Variants in AK5 observed in about 807,000 individuals in gnomAD.
AK5 encodes the protein adenylate kinase 5, also known as adenylate kinase isoenzyme 5.
Under a neutral mutation model 69.5 loss-of-function variants are expected in AK5, and 27 were observed. That is an observed-to-expected ratio of 0.39 (90% CI 0.29 to 0.54). The LOEUF (loss-of-function observed/expected upper bound fraction) is 0.54, where lower values mean the gene tolerates loss of function less well. AK5 is among the 20% of genes least tolerant of loss of function. The pLI is 0.71. For missense variants in AK5, 531 were observed against 700.4 expected, an observed-to-expected ratio of 0.76 and a Z score of 2.73; for synonymous variants, 260 against 244.4, an observed-to-expected ratio of 1.06 and a Z score of -0.60.
chr1:77,403,969 T>C (rs1352406424), intron 6 of AK5, among the ~76,000 whole-genome samples: 1 of 152,174 alleles, frequency 6.6e-6, no homozygotes, highest in Non-Finnish European at 1.5e-5. Context: ...CCTCTTTTAT[T>C]TCGTTGAGCA....
In AK5 at chr1:77,297,850, A is replaced by C. The variant is rs750269359; in HGVS notation, c.602A>C (p.Glu201Ala). ...ELAPQETTIT[E>A]IKQKLMQIPD... ...TTATAAAAGGAAACAACAATTACAG[A>C]GATAAAACAAAAATTGATGCAAATA... The change falls in exon 5 of 14, where the codon GAG becomes GCG. Residue 201 changes from glutamate to alanine, a missense_variant. Transcript: ENST00000354567. 2 of 1,611,314 alleles carry C rather than the reference A, an allele frequency of 1.2e-6. No homozygotes were observed. The highest frequency in any genetic ancestry group is 2.2e-5 in the South Asian group (2 of 89,900).
intron 6 of AK5, among the ~76,000 whole-genome samples, chr1:77,392,156 T>A (rs1177854442): frequency 6.6e-6 from 1 of 152,206 alleles, no homozygotes; most frequent in Non-Finnish European, 1.5e-5. Flanking sequence ...ACAATCTAAA[T>A]TGATTATGTT....
chr1:77,454,948 T>G (rs888697516), intron 8 of AK5, among the ~76,000 whole-genome samples: 6 of 152,226 alleles, frequency 3.9e-5, no homozygotes, highest in African/African-American at 1.4e-4. Flanking sequence ...TGCCTTTCCT[T>G]TTTTGCTCTA....
At chr1:77,286,212 G>A (rs1300684184) in intron 1 of AK5, among the ~76,000 whole-genome samples, 2 of 151,836 alleles carry the variant, frequency 1.3e-5, no homozygotes, top group Non-Finnish European at 1.5e-5. Context: ...AAAACTCTAT[G>A]AGGTATTTAT....
intron 10 of AK5, among the ~76,000 whole-genome samples, chr1:77,501,119 G>C (rs1259552831): frequency 6.6e-6 from 1 of 152,196 alleles, no homozygotes; most frequent in African/African-American, 2.4e-5. Flanking sequence ...TTTGAGAGAG[G>C]GCTGAGGAGA....
chr1:77,461,116 C>A (rs1653809003), intron 8 of AK5, among the ~76,000 whole-genome samples: 1 of 150,150 alleles, frequency 6.7e-6, no homozygotes, highest in African/African-American at 2.5e-5. Flanking sequence ...TCACTGCAAG[C>A]TCTGCCTCCT....
At chr1:77,461,305 T>A (rs980553320) in intron 8 of AK5, among the ~76,000 whole-genome samples, 2 of 150,620 alleles carry the variant, frequency 1.3e-5, no homozygotes, top group Non-Finnish European at 3.0e-5. Flanking sequence ...AGTGCTGGGA[T>A]TACAGGCGTG....
intron 6 of AK5, among the ~76,000 whole-genome samples, chr1:77,358,018 T>TGTGTCTGTGTGTGA (rs762714026): frequency 7.8e-6 from 1 of 128,178 alleles, no homozygotes; most frequent in African/African-American, 2.8e-5. Flanking sequence ...TGTGTGTGTG[T>TGTGTCTGTGTGTGA]GAGAGAGAGA....
intron 8 of AK5, among the ~76,000 whole-genome samples, chr1:77,434,280 A>G (rs1570117731): frequency 6.6e-6 from 1 of 152,124 alleles, no homozygotes; most frequent in Admixed American, 6.5e-5. Context: ...TGGAACATTC[A>G]TATCAATAAC....
chr1:77,521,967 T>C (rs200482904), intron 12 of AK5, 24 bp downstream of exon 12: 103 of 1,535,008 alleles, frequency 6.7e-5, no homozygotes, highest in Non-Finnish European at 8.5e-5. Flanking sequence ...ACGGGCATCC[T>C]TCCAGAAGAA....
chr1:77,467,188 C>T (rs115716343), intron 8 of AK5, among the ~76,000 whole-genome samples: 349 of 152,304 alleles, frequency 2.3e-3, no homozygotes, highest in Non-Finnish European at 3.7e-3. Flanking sequence ...GTTCAGTCCC[C>T]TGGGTCAAGG....
intron 9 of AK5, among the ~76,000 whole-genome samples, chr1:77,485,495 C>T (rs1282479498): frequency 1.3e-5 from 2 of 152,138 alleles, no homozygotes; most frequent in African/African-American, 4.8e-5. Context: ...AAAATATGAA[C>T]TGCTGTTACT....
intron 5 of AK5, among the ~76,000 whole-genome samples, chr1:77,331,753 G>C (rs905091684): frequency 6.6e-6 from 1 of 151,588 alleles, no homozygotes; most frequent in African/African-American, 2.4e-5. Context: ...CCCTTTTTTT[G>C]GTATTTTACA....
At chr1:77,307,927 A>G (rs886976503) in intron 5 of AK5, among the ~76,000 whole-genome samples, 1 of 152,168 alleles carries the variant, frequency 6.6e-6, no homozygotes, top group African/African-American at 2.4e-5. Flanking sequence ...TTCTATATAG[A>G]TAGTCGTCAA....
chr1:77,431,177 G>A (rs932366411), intron 8 of AK5, among the ~76,000 whole-genome samples: 1 of 152,192 alleles, frequency 6.6e-6, no homozygotes, highest in African/African-American at 2.4e-5. Context: ...GAGAGTAGAA[G>A]CCTGAACTGT....
chr1:77,303,014 C>T (rs1410197649), intron 5 of AK5, among the ~76,000 whole-genome samples: 1 of 152,204 alleles, frequency 6.6e-6, no homozygotes, highest in Admixed American at 6.5e-5. Flanking sequence ...GATATAGTAG[C>T]ATGCCCCCAC....
At chr1:77,511,131 A>C (rs1300817636) in intron 10 of AK5, among the ~76,000 whole-genome samples, 5 of 152,052 alleles carry the variant, frequency 3.3e-5, no homozygotes, top group Non-Finnish European at 7.4e-5. Context: ...CCTTTGTAAG[A>C]TTATGGAATT....
intron 2 of AK5, 32 bp downstream of exon 2, chr1:77,287,159 A>G (rs376441818): frequency 3.5e-6 from 5 of 1,422,266 alleles, no homozygotes; most frequent in Admixed American, 4.8e-5. Flanking sequence ...AGACAGTTTT[A>G]TAGTTATAGC....
chr1:77,473,889 A>G (rs1187381708), intron 8 of AK5, among the ~76,000 whole-genome samples: 4 of 152,118 alleles, frequency 2.6e-5, no homozygotes, highest in Non-Finnish European at 5.9e-5. Flanking sequence ...TCTTCTTACC[A>G]CTCACACATG....
Sources: gnomAD v4.1 joint callset for allele counts (sites outside exome capture counted in the v4.1 genomes callset) on GRCh38, gnomAD v4.1.1 for gene constraint, MANE v1.5 for transcripts, NCBI Gene and HGNC (gene_info 2026-07-23, HGNC 2026-07-21) for gene names.